DLC1: variants seen among roughly 807,000 people sequenced by gnomAD.
The protein encoded by DLC1 is rho GTPase-activating protein 7.
DLC1 carries 54 observed loss-of-function variants against 140.3 expected under a neutral mutation model. The ratio of observed to expected loss-of-function variants is 0.38; its 90% CI spans 0.31 to 0.48. The LOEUF is 0.48. Ranked by LOEUF, DLC1 falls within the 20% of genes least tolerant of loss-of-function variation. The pLI is 0.96. For synonymous variants in DLC1, 986 were observed against 728.1 expected (o/e 1.35, Z -5.70); for missense variants, 2,536 against 1,907.0 (o/e 1.33, Z -6.14).
At chr8:13,307,772 T>G (rs1214772058) in intron 4 of DLC1, among the ~76,000 whole-genome samples, 1 of 152,186 alleles carries the variant, frequency 6.6e-6, no homozygotes, top group Non-Finnish European at 1.5e-5. Context: ...TCACCACATC[T>G]TTAGAACACC....
chr8:13,515,443 T>C (rs1293479349), upstream of DLC1: 1 of 152,212 alleles, frequency 6.6e-6, no homozygotes, highest in African/African-American at 2.4e-5. Context: ...TTATGGCAAA[T>C]GCAGCAGCGC....
intron 1 of DLC1, among the ~76,000 whole-genome samples, chr8:13,593,507 C>G: frequency 6.6e-6 from 1 of 152,102 alleles, no homozygotes; most frequent in South Asian, 2.1e-4. Flanking sequence ...TCTGACTCAG[C>G]AACCTGCCAG....
intron 5 of DLC1, among the ~76,000 whole-genome samples, chr8:13,212,922 T>C (rs1828015533): frequency 6.6e-6 from 1 of 152,226 alleles, no homozygotes; most frequent in South Asian, 2.1e-4. Flanking sequence ...AAATTTGCTT[T>C]ACTGAAGGGC....
In DLC1 at chr8:13,205,096, GA is replaced by G. The variant is rs368442521; in HGVS notation, c.1349-89440del. Among the ~76,000 whole-genome samples the G allele has an allele frequency of 8.2e-3, 1,207 of 148,004 alleles. 16 individuals are homozygous for G. Among genetic ancestry groups the G allele is most frequent in the African/African-American group, 0.022 (896 of 40,410 alleles). On this transcript the variant is annotated intron_variant, in intron 5 of 17. Coordinates refer to ENST00000276297, the MANE Select transcript of DLC1 (RefSeq NM_182643.3). ...TGGCATTATTGGGTGGTCACACTAG[GA>G]AAAAAAAAATGCCAAAAAACTACAT...
chr8:13,380,213 G>C (rs1159771415), intron 4 of DLC1, among the ~76,000 whole-genome samples: 1 of 152,194 alleles, frequency 6.6e-6, no homozygotes, highest in Non-Finnish European at 1.5e-5. Context: ...AATAAGAAAC[G>C]AGTTAGAGTC....
chr8:13,329,613 C>T (rs1415580454), intron 4 of DLC1, among the ~76,000 whole-genome samples: 7 of 152,082 alleles, frequency 4.6e-5, no homozygotes, highest in Non-Finnish European at 1.0e-4. Context: ...TGGTTTAGGG[C>T]TATTTTAAAC....
chr8:13,538,066 A>T (rs1803353213), intron 1 of DLC1, among the ~76,000 whole-genome samples: 1 of 152,230 alleles, frequency 6.6e-6, no homozygotes, highest in African/African-American at 2.4e-5. Flanking sequence ...AATAAAAATA[A>T]TTACTAATGC....
Position 13,491,838 on chromosome 8 carries a change from T to C in DLC1, c.1023+7211A>G, listed in dbSNP as rs374558554. Among the ~76,000 whole-genome samples, 280 of 152,276 alleles carry C rather than the reference T, an allele frequency of 1.8e-3. 1 individual carries two copies. The highest frequency in any genetic ancestry group is 6.5e-3 in the African/African-American group (269 of 41,552). On this transcript the variant is annotated intron_variant, in intron 2 of 17. Transcript: ENST00000276297. ...TTCTTCTGCATCTTTATAACTTGGG[T>C]TCATGACACTTAGCATTATCCTCTG...
rs769496799 is a variant in DLC1, at chr8:13,099,614, T to C, written c.2723A>G (p.Asp908Gly). The C allele has an allele frequency of 6.2e-7, 1 of 1,614,180 alleles. No homozygotes were observed. The highest frequency in any genetic ancestry group is 1.7e-5 in the Admixed American group (1 of 60,022). ...CATCCCCTTCACGTGGTAGAGGATGTCGTCCAGCTCGGGGAAGATGTCCTC... is the reference window on the plus strand; with the variant it reads ...CATCCCCTTCACGTGGTAGAGGATGCCGTCCAGCTCGGGGAAGATGTCCTC... ...ENEDIFPELD[D>G]ILYHVKGMQR... The change falls in exon 9 of 18, where the codon GAC becomes GGC. Residue 908 changes from aspartate to glycine, a missense_variant. Coordinates refer to ENST00000276297, the MANE Select transcript of DLC1 (RefSeq NM_182643.3).
intron 1 of DLC1, among the ~76,000 whole-genome samples, chr8:13,532,287 A>G (rs1031464745): frequency 3.3e-5 from 5 of 152,092 alleles, no homozygotes; most frequent in South Asian, 2.1e-4. Flanking sequence ...CAACAACAAC[A>G]AAACCCCACA....
chr8:13,521,400 C>G (rs1359719889), intron 1 of DLC1, among the ~76,000 whole-genome samples: 1 of 147,122 alleles, frequency 6.8e-6, no homozygotes, highest in African/African-American at 2.6e-5. Context: ...TATCCCAGAA[C>G]TTAAAATTAA....
At chr8:13,179,238 C>A (rs1004741226) in intron 5 of DLC1, among the ~76,000 whole-genome samples, 1 of 151,590 alleles carries the variant, frequency 6.6e-6, no homozygotes, top group East Asian at 1.9e-4. Flanking sequence ...AAATCAGGAG[C>A]CTTGGTGGGA....
chr8:13,468,465 T>C lies in DLC1; in HGVS notation c.1023+30584A>G, dbSNP rs796880585. Among the ~76,000 whole-genome samples, 5 of 150,846 alleles carry C rather than the reference T, an allele frequency of 3.3e-5. 1 individual carries two copies. Among genetic ancestry groups the C allele is most frequent in the South Asian group, 2.1e-4 (1 of 4,702 alleles). On this transcript the variant is annotated intron_variant, in intron 2 of 17. Transcript: ENST00000276297. ...GTGGGATCATAGGTCACTGTGGCCTTGAACACCTGGTCTCTAACAATCCAC... is the reference window on the plus strand; with the variant it reads ...GTGGGATCATAGGTCACTGTGGCCTCGAACACCTGGTCTCTAACAATCCAC...
chr8:13,368,716 G>T (rs1183427487), intron 4 of DLC1, among the ~76,000 whole-genome samples: 2 of 152,172 alleles, frequency 1.3e-5, no homozygotes, highest in African/African-American at 4.8e-5. Context: ...TCACGGAAGG[G>T]AAGGATGTTT....
At chr8:13,555,263 T>C (rs1421082042) in intron 1 of DLC1, among the ~76,000 whole-genome samples, 5 of 152,174 alleles carry the variant, frequency 3.3e-5, no homozygotes, top group African/African-American at 1.2e-4. Context: ...AATTATTTAC[T>C]CACTGTGCTT....
At chr8:13,561,535 A>T (rs1804244147) in intron 1 of DLC1, among the ~76,000 whole-genome samples, 2 of 152,198 alleles carry the variant, frequency 1.3e-5, no homozygotes. Flanking sequence ...TAAAGTGAAT[A>T]ATATTCTGGC....
chr8:13,423,535 CTAATTA>C (rs1221634733), intron 2 of DLC1, among the ~76,000 whole-genome samples: 1 of 151,960 alleles, frequency 6.6e-6, no homozygotes, highest in African/African-American at 2.4e-5. Context: ...AATTATAATA[CTAATTA>C]TAATTATAAG....
intron 3 of DLC1, among the ~76,000 whole-genome samples, chr8:13,396,275 G>T (rs1274463052): frequency 1.2e-4 from 18 of 152,036 alleles, no homozygotes; most frequent in Non-Finnish European, 1.5e-5. Flanking sequence ...TAGCCAGGAT[G>T]GTCTCAATCT....
intron 4 of DLC1, among the ~76,000 whole-genome samples, chr8:13,379,904 G>A (rs898913529): frequency 3.9e-5 from 6 of 152,118 alleles, no homozygotes; most frequent in African/African-American, 7.2e-5. Context: ...AACAGAAAAC[G>A]AAACACCGCA....
Sources: allele counts gnomAD v4.1 joint callset (sites outside exome capture counted in the v4.1 genomes callset), GRCh38; gene constraint gnomAD v4.1.1; transcripts MANE v1.5; gene names NCBI Gene and HGNC (gene_info 2026-07-23, HGNC 2026-07-21).